The following DLC1 variants were observed in gnomAD, a reference collection of about 807,000 sequenced individuals.
DLC1 encodes DLC1 Rho GTPase activating protein.
Under a neutral mutation model 140.3 loss-of-function variants are expected in DLC1, and 54 were observed. The ratio of observed to expected loss-of-function variants is 0.38; its 90% CI spans 0.31 to 0.48. DLC1 has a LOEUF of 0.48. Ranked by LOEUF, DLC1 falls within the 20% of genes least tolerant of loss-of-function variation. DLC1 has a pLI of 0.96. For missense variants in DLC1, 2,536 were observed against 1,907.0 expected (o/e 1.33, Z -6.14); for synonymous variants, 986 against 728.1 (o/e 1.35, Z -5.70).
At chr8:13,350,787 TTAGAA>T (rs1257471257) in intron 4 of DLC1, among the ~76,000 whole-genome samples, 1 of 152,200 alleles carries the variant, frequency 6.6e-6, no homozygotes, top group Non-Finnish European at 1.5e-5. Flanking sequence ...ATTGTTCATA[TTAGAA>T]TAGTCAGCTT....
chr8:13,305,517 A>T (rs569367855), intron 4 of DLC1, among the ~76,000 whole-genome samples: 1 of 152,344 alleles, frequency 6.6e-6, no homozygotes, highest in South Asian at 2.1e-4. Flanking sequence ...GACAGACTCA[A>T]ATGAATGCAC....
chr8:13,603,214 C>T (rs886703989), intron 1 of DLC1, among the ~76,000 whole-genome samples: 4 of 151,742 alleles, frequency 2.6e-5, no homozygotes, highest in Non-Finnish European at 5.9e-5. Context: ...TTTCTAACAT[C>T]GTGATGTTAG....
At chr8:13,221,392 A>G (rs1467228221) in intron 5 of DLC1, among the ~76,000 whole-genome samples, 1 of 149,888 alleles carries the variant, frequency 6.7e-6, no homozygotes, top group Non-Finnish European at 1.5e-5. Flanking sequence ...TTGTTTTGAG[A>G]CGGAGCCTTG....
At chr8:13,346,352 T>C (rs566131874) in intron 4 of DLC1, among the ~76,000 whole-genome samples, 18 of 152,228 alleles carry the variant, frequency 1.2e-4, no homozygotes, top group Non-Finnish European at 2.6e-4. Flanking sequence ...TTCATAATTG[T>C]AGTCTAATAT....
intron 4 of DLC1, among the ~76,000 whole-genome samples, chr8:13,373,504 T>G (rs769604249): frequency 5.9e-5 from 9 of 152,224 alleles, no homozygotes; most frequent in Non-Finnish European, 1.0e-4. Flanking sequence ...CAATTATATA[T>G]GTGTCTGTTT....
At chr8:13,453,490 A>G (rs1328773693) in intron 2 of DLC1, among the ~76,000 whole-genome samples, 2 of 36,400 alleles carry the variant, frequency 5.5e-5, no homozygotes, top group African/African-American at 2.7e-4. Context: ...GTATATATAT[A>G]CATATATATA....
intron 1 of DLC1, among the ~76,000 whole-genome samples, chr8:13,551,704 C>T (rs1803858075): frequency 6.6e-6 from 1 of 151,680 alleles, no homozygotes; most frequent in Non-Finnish European, 1.5e-5. Flanking sequence ...GCAAGGCAAA[C>T]ATATGTATCT....
chr8:13,392,692 CT>C (rs1390710182), intron 4 of DLC1, among the ~76,000 whole-genome samples: 1 of 152,052 alleles, frequency 6.6e-6, no homozygotes, highest in Non-Finnish European at 1.5e-5. Context: ...TAAGTGTTAC[CT>C]TTTAGAGTCA....
chr8:13,164,712 C>T (rs1003679510), intron 5 of DLC1, among the ~76,000 whole-genome samples: 4 of 152,194 alleles, frequency 2.6e-5, no homozygotes, highest in African/African-American at 4.8e-5. Flanking sequence ...GCTCTTTCCT[C>T]TGTCATAATT....
At chr8:13,587,575 AGAG>A (rs1306899325) in intron 1 of DLC1, among the ~76,000 whole-genome samples, 4 of 129,424 alleles carry the variant, frequency 3.1e-5, no homozygotes, top group Non-Finnish European at 7.0e-5. Flanking sequence ...ACACAGAGAG[AGAG>A]AAAATATATA....
intron 2 of DLC1, among the ~76,000 whole-genome samples, chr8:13,446,127 C>CT (rs1031318887): frequency 1.6e-4 from 24 of 152,228 alleles, no homozygotes; most frequent in African/African-American, 5.5e-4. Context: ...ACAAAGAACT[C>CT]TCCCCCCCTC....
chr8:13,272,269 G>T (rs1830964948), intron 5 of DLC1, among the ~76,000 whole-genome samples: 1 of 152,048 alleles, frequency 6.6e-6, no homozygotes, highest in South Asian at 2.1e-4. Context: ...CCAACATGGT[G>T]AAACCCTGCC....
chr8:13,091,024 T>G (rs1225179047), intron 14 of DLC1, among the ~76,000 whole-genome samples: 1 of 151,824 alleles, frequency 6.6e-6, no homozygotes, highest in East Asian at 1.9e-4. Flanking sequence ...CCCGGGTTGG[T>G]CTTGAACTCC....
intron 2 of DLC1, 76 bp from the exon 3 acceptor site, chr8:13,401,695 A>T (rs935089077): frequency 1.3e-6 from 2 of 1,537,818 alleles, no homozygotes; most frequent in African/African-American, 2.8e-5. Context: ...CTGTTCTTCA[A>T]TGTGACAAAA....
At chr8:13,207,176 A>G (rs12682627) in intron 5 of DLC1, among the ~76,000 whole-genome samples, 50,553 of 152,098 alleles carry the variant, frequency 0.33, 9,845 homozygotes, top group East Asian at 0.51. Flanking sequence ...TTTCCAATCA[A>G]TTAAAATTTT....
rs1020891003 is a variant in DLC1 at position 13,377,974 on chromosome 8, T to C, written c.1314+15579A>G. Among the ~76,000 whole-genome samples the C allele has an allele frequency of 9.9e-5, 15 of 151,476 alleles. 2 individuals are homozygous for C. In the East Asian group the frequency reaches 1.8e-3, roughly 18 times the overall value. ...ACATGTTTTTATCAAAGAATAAAAA[T>C]ATGTTAAGTGTAGTAGTACCTTTGA... On this transcript the variant is annotated intron_variant, in intron 4 of 17. Coordinates refer to ENST00000276297, the MANE Select transcript of DLC1 (RefSeq NM_182643.3).
Position 13,499,768 on chromosome 8 carries a change from C to T in DLC1, c.304G>A (p.Ala102Thr). 1 of 1,614,052 alleles carries T rather than the reference C, an allele frequency of 6.2e-7. No homozygotes were observed. Among genetic ancestry groups the T allele is most frequent in the Non-Finnish European group, 8.5e-7 (1 of 1,180,012 alleles). ...ACATGCACTAGTGTTTCTGTGCTGGCTTCCAGAGAAAGAAACTGATCTTCA... is the reference window on the plus strand; with the variant it reads ...ACATGCACTAGTGTTTCTGTGCTGGTTTCCAGAGAAAGAAACTGATCTTCA... Reference protein sequence around the residue: ...EGEDQFLSLEASTETLVHVSD... With the variant: ...EGEDQFLSLETSTETLVHVSD... Residue 102 changes from alanine to threonine, a missense_variant, in exon 2 of 18, where the codon GCC (alanine) becomes ACC (threonine). By Grantham distance (58) the Ala-to-Thr change is moderately conservative. Transcript: ENST00000276297.
At chr8:13,460,349 T>C (rs1004678102) in intron 2 of DLC1, among the ~76,000 whole-genome samples, 5 of 152,216 alleles carry the variant, frequency 3.3e-5, no homozygotes, top group Admixed American at 2.0e-4. Flanking sequence ...TCCATGAACA[T>C]TGACTGTCTT....
At chr8:13,344,332 A>G (rs1254012139) in intron 4 of DLC1, among the ~76,000 whole-genome samples, 1 of 152,184 alleles carries the variant, frequency 6.6e-6, no homozygotes, top group Non-Finnish European at 1.5e-5. Context: ...TGTCCCTACT[A>G]AAAATACAAA....
Sources: gnomAD v4.1 joint callset for allele counts (sites outside exome capture counted in the v4.1 genomes callset) on GRCh38, gnomAD v4.1.1 for gene constraint, MANE v1.5 for transcripts, NCBI Gene and HGNC (gene_info 2026-07-23, HGNC 2026-07-21) for gene names.